SFXN1: variants seen among roughly 807,000 people sequenced by gnomAD.
SFXN1 encodes sideroflexin 1.
In SFXN1, 32 loss-of-function variants were observed where a neutral mutation model predicts 39.5. The observed-to-expected ratio is 0.81, with a 90% CI of 0.61 to 1.09. SFXN1 has a LOEUF of 1.09. SFXN1 is among the 50% of genes least tolerant of loss of function. The pLI is 0.00. For missense variants in SFXN1, 402 were observed against 407.1 expected (o/e 0.99, Z 0.11); for synonymous variants, 136 against 146.5 (o/e 0.93, Z 0.52).
chr5:175,499,660 C>A lies in SFXN1; in HGVS notation c.164+7393C>A, dbSNP rs150052701. On this transcript the variant is annotated intron_variant, in intron 2 of 10. Transcript: ENST00000321442. ...GGAATAGAAGGGGAAGGTACAACTA[C>A]AAAAACCCTACGACTAACATCAAAC... Among the ~76,000 whole-genome samples, 4 of 152,312 alleles carry A rather than the reference C, an allele frequency of 2.6e-5. No homozygotes were observed. In the East Asian group the frequency reaches 7.7e-4, roughly 29 times the overall value.
chr5:175,502,095 G>A (rs536438524), intron 2 of SFXN1, among the ~76,000 whole-genome samples: 59 of 152,266 alleles, frequency 3.9e-4, no homozygotes, highest in African/African-American at 1.4e-3. Flanking sequence ...TCCTGGGTGC[G>A]ATGGCAGAAC....
At chr5:175,506,731 A>G (rs1166016596) in intron 2 of SFXN1, among the ~76,000 whole-genome samples, 2 of 152,154 alleles carry the variant, frequency 1.3e-5, no homozygotes, top group African/African-American at 4.8e-5. Context: ...CAGTAGCACA[A>G]TCTCAGCTTA....
intron 7 of SFXN1, among the ~76,000 whole-genome samples, chr5:175,514,913 G>A (rs1228072252): frequency 6.6e-6 from 1 of 152,238 alleles, no homozygotes; most frequent in East Asian, 1.9e-4. Context: ...TAACCTAAAA[G>A]GAGGCTATGG....
chr5:175,520,918 C>T (rs907505245), intron 8 of SFXN1, among the ~76,000 whole-genome samples: 6 of 152,050 alleles, frequency 3.9e-5, no homozygotes, highest in Non-Finnish European at 7.4e-5. Flanking sequence ...AGACTAGTTT[C>T]CTTGACGATG....
chr5:175,507,973 T>TAAAATA (rs1477205928), intron 2 of SFXN1, among the ~76,000 whole-genome samples: 1 of 124,302 alleles, frequency 8.0e-6, no homozygotes, highest in African/African-American at 3.1e-5. Context: ...ACCCTGTCTT[T>TAAAATA]AAAAAAAAAA....
At chr5:175,524,170 ATC>A (rs1561678689) in intron 10 of SFXN1, 3 of 121,978 alleles carry the variant, frequency 2.5e-5, no homozygotes, top group African/African-American at 5.7e-5. Context: ...ATATATATAT[ATC>A]TCCAATAAGT....
Position 175,526,879 on chromosome 5 carries a change from A to G in SFXN1, c.*145A>G. On this transcript the variant is annotated 3_prime_UTR_variant, in exon 11 of 11. Transcript: ENST00000321442. ...ATTAGCCTTTTAGAATAAAGCTGCT[A>G]CTTTAACAGAGCACCTGGCGTGGGC... 1.5e-6 allele frequency: 1 copy of G among 678,432 alleles called. No homozygotes were observed. The highest frequency in any genetic ancestry group is 2.6e-6 in the Non-Finnish European group (1 of 388,578). The allele number at this position is 678,432 out of a possible 1,614,324, so 42.0% of individuals were successfully genotyped here. A position where few individuals can be genotyped will look rare whatever the true frequency, so the allele number is the denominator to read the frequency against.
At chr5:175,481,747 A>G (rs1027869703) in intron 1 of SFXN1, among the ~76,000 whole-genome samples, 1 of 152,252 alleles carries the variant, frequency 6.6e-6, no homozygotes, top group African/African-American at 2.4e-5. Context: ...ATGCAGAACT[A>G]TCCTGGAACA....
chr5:175,496,941 G>A (rs1349017046), intron 2 of SFXN1, among the ~76,000 whole-genome samples: 4 of 151,652 alleles, frequency 2.6e-5, no homozygotes, highest in African/African-American at 9.7e-5. Flanking sequence ...ACCCAGGCTA[G>A]AGTGCAGTGG....
At chr5:175,485,195 A>G (rs149274403) in intron 1 of SFXN1, among the ~76,000 whole-genome samples, 16 of 152,372 alleles carry the variant, frequency 1.1e-4, no homozygotes, top group African/African-American at 1.2e-4. Flanking sequence ...TTATGCCACT[A>G]TAGTACAACT....
At position 175,522,093 on chromosome 5, in the gene SFXN1, G is replaced by A. The variant is rs140616080; in HGVS notation, c.824+125G>A. 1.3e-3 allele frequency: 941 copies of A among 743,838 alleles called. 19 individuals carry two copies. In the Admixed American group the frequency reaches 0.023, roughly 18 times the overall value. 46.1% of individuals were successfully genotyped at this position (743,838 alleles called of 1,614,324 possible). Reference sequence around the variant, plus strand: ...GAGGCCATCTCAGAACATCTGGAATGCATGGCCCCAAATAATTAAATAGAA... The same window carrying A: ...GAGGCCATCTCAGAACATCTGGAATACATGGCCCCAAATAATTAAATAGAA... On this transcript the variant is annotated intron_variant, in intron 9 of 10. Coordinates refer to ENST00000321442, the MANE Select transcript of SFXN1 (RefSeq NM_022754.7).
intron 2 of SFXN1, among the ~76,000 whole-genome samples, chr5:175,497,784 G>T (rs1019362468): frequency 6.6e-6 from 1 of 152,036 alleles, no homozygotes; most frequent in African/African-American, 2.4e-5. Context: ...CAAAAAGTTA[G>T]CTGGGTGAGG....
At chr5:175,520,352 G>T (rs1760842706) in intron 8 of SFXN1, among the ~76,000 whole-genome samples, 1 of 152,176 alleles carries the variant, frequency 6.6e-6, no homozygotes, top group Admixed American at 6.5e-5. Flanking sequence ...CTTGAGAAAT[G>T]TTGTGAATAT....
intron 10 of SFXN1, among the ~76,000 whole-genome samples, chr5:175,524,501 C>T (rs1760998746): frequency 6.6e-6 from 1 of 151,608 alleles, no homozygotes; most frequent in South Asian, 2.1e-4. Flanking sequence ...ATAATGAAAA[C>T]ATTCTTTATT....
chr5:175,512,736 T>C (rs558811314), intron 6 of SFXN1, among the ~76,000 whole-genome samples: 1 of 152,242 alleles, frequency 6.6e-6, no homozygotes, highest in Admixed American at 6.5e-5. Flanking sequence ...TGTTAGTAAA[T>C]ATAGTTAATA....
intron 1 of SFXN1, among the ~76,000 whole-genome samples, chr5:175,479,259 A>G (rs926398044): frequency 6.6e-6 from 1 of 152,232 alleles, no homozygotes; most frequent in African/African-American, 2.4e-5. Context: ...CAGAATGACA[A>G]TAAACAGTCT....
chr5:175,503,903 C>T (rs539961154), intron 2 of SFXN1, among the ~76,000 whole-genome samples: 84 of 148,530 alleles, frequency 5.7e-4, no homozygotes, highest in African/African-American at 2.0e-3. Context: ...ACTCGGGAGG[C>T]TGAGGCAGGA....
At chr5:175,514,059 G>C (rs1229289584) in intron 7 of SFXN1, among the ~76,000 whole-genome samples, 1 of 152,100 alleles carries the variant, frequency 6.6e-6, no homozygotes, top group Non-Finnish European at 1.5e-5. Flanking sequence ...AGCCAGGCAG[G>C]GTTTTGCATA....
At chr5:175,490,520 C>T (rs1490578140) in intron 1 of SFXN1, among the ~76,000 whole-genome samples, 5 of 152,096 alleles carry the variant, frequency 3.3e-5, no homozygotes, top group Admixed American at 3.3e-4. Flanking sequence ...CTTAATGTAC[C>T]TCCGAACCTG....
Sources: gnomAD v4.1 joint callset for allele counts (sites outside exome capture counted in the v4.1 genomes callset) on GRCh38, gnomAD v4.1.1 for gene constraint, MANE v1.5 for transcripts, NCBI Gene and HGNC (gene_info 2026-07-23, HGNC 2026-07-21) for gene names.